Variants in GRIA1 observed in about 807,000 individuals in gnomAD.
GRIA1 encodes the protein glutamate ionotropic receptor AMPA type subunit 1, also known as glutamate receptor 1.
Under a neutral mutation model 99.2 loss-of-function variants are expected in GRIA1, and 31 were observed. That is an observed-to-expected ratio of 0.31 (90% confidence interval 0.23 to 0.42). The LOEUF is 0.42. Among genes scored for constraint, GRIA1 ranks in the 10% least tolerant of loss-of-function variants. GRIA1 has a pLI of 1.00. For synonymous variants in GRIA1, 438 were observed against 432.4 expected (o/e 1.01, Z -0.16); for missense variants, 782 against 1,157.5 (o/e 0.68, Z 4.71).
At chr5:153,587,479 T>G (rs1259112421) in intron 2 of GRIA1, among the ~76,000 whole-genome samples, 1 of 152,102 alleles carries the variant, frequency 6.6e-6, no homozygotes, top group African/African-American at 2.4e-5. Flanking sequence ...ACATAGTGAG[T>G]GGACAGAGTA....
At chr5:153,752,253 T>C in intron 11 of GRIA1, among the ~76,000 whole-genome samples, 1 of 152,100 alleles carries the variant, frequency 6.6e-6, no homozygotes, top group East Asian at 1.9e-4. Flanking sequence ...TATATCTATC[T>C]CCTGGCGTTC....
chr5:153,746,598 G>A (rs1289433008), intron 11 of GRIA1, among the ~76,000 whole-genome samples: 2 of 152,156 alleles, frequency 1.3e-5, no homozygotes, highest in African/African-American at 4.8e-5. Flanking sequence ...CAGAGACCCA[G>A]GCCCTTGGAG....
chr5:153,782,157 C>A (rs772879358), intron 13 of GRIA1, among the ~76,000 whole-genome samples: 1 of 152,124 alleles, frequency 6.6e-6, no homozygotes, highest in African/African-American at 2.4e-5. Flanking sequence ...TTATGTAATC[C>A]TCACAAGAAC....
At chr5:153,654,644 AC>A (rs1019682101) in intron 4 of GRIA1, among the ~76,000 whole-genome samples, 22 of 152,334 alleles carry the variant, frequency 1.4e-4, no homozygotes, top group African/African-American at 5.3e-4. Flanking sequence ...ACATAAAAAA[AC>A]ATGAGTCACT....
chr5:153,735,915 C>T (rs541584702), intron 11 of GRIA1, among the ~76,000 whole-genome samples: 1 of 152,214 alleles, frequency 6.6e-6, no homozygotes, highest in Non-Finnish European at 1.5e-5. Context: ...AATTCAATTT[C>T]CAACATGTTA....
At chr5:153,523,587 CT>C (rs1182577675) in intron 2 of GRIA1, among the ~76,000 whole-genome samples, 1 of 151,984 alleles carries the variant, frequency 6.6e-6, no homozygotes, top group Admixed American at 6.6e-5. Context: ...TCATATTGAT[CT>C]AAATTTCAGG....
Position 153,515,544 on chromosome 5 carries a change from T to C in GRIA1, c.220+21479T>C, listed in dbSNP as rs529722827. Among the ~76,000 whole-genome samples, 18 of 152,314 alleles carry C rather than the reference T, an allele frequency of 1.2e-4. No individual in the cohort carries two copies. The East Asian group carries it at 3.1e-3, about 26-fold the overall frequency. On this transcript the variant is annotated intron_variant, in intron 2 of 15. Transcript: ENST00000285900. ...AGAAGGAATAAGTTCTGGTGAGATA[T>C]TGCACAACAAAGTGACTGTAGTTAA... is the stretch of plus-strand genomic sequence containing the variant.
At chr5:153,729,247 G>C (rs549343612) in intron 11 of GRIA1, among the ~76,000 whole-genome samples, 6 of 151,614 alleles carry the variant, frequency 4.0e-5, no homozygotes, top group African/African-American at 7.3e-5. Flanking sequence ...GGTAGGGAGA[G>C]GGGGGAGCGA....
At chr5:153,614,261 G>A (rs757703449) in intron 2 of GRIA1, among the ~76,000 whole-genome samples, 9 of 152,170 alleles carry the variant, frequency 5.9e-5, no homozygotes, top group Non-Finnish European at 8.8e-5. Flanking sequence ...TAGAAGACAA[G>A]CCCTATAAGG....
rs139465139 is a variant in GRIA1, at chr5:153,536,169, C to G, written c.220+42104C>G. On this transcript the variant is annotated intron_variant, in intron 2 of 15. Coordinates refer to ENST00000285900, the MANE Select transcript of GRIA1 (RefSeq NM_000827.4). Reference sequence around the variant, plus strand: ...TATGCCACAAATTCTTGTCTGTGTTCTAAACAATAGCCAGATTTCCCTCAT... The same window carrying G: ...TATGCCACAAATTCTTGTCTGTGTTGTAAACAATAGCCAGATTTCCCTCAT... Among the ~76,000 whole-genome samples, 294 of 152,274 alleles carry G rather than the reference C, an allele frequency of 1.9e-3. 1 individual carries two copies. Among genetic ancestry groups the G allele is most frequent in the African/African-American group, 6.8e-3 (283 of 41,560 alleles).
chr5:153,803,547 G>T (rs1766197279), intron 15 of GRIA1, among the ~76,000 whole-genome samples: 1 of 152,178 alleles, frequency 6.6e-6, no homozygotes, highest in South Asian at 2.1e-4. Context: ...CAGGAATTTA[G>T]AGAAGAAAGA....
chr5:153,723,365 T>A (rs558058576), intron 11 of GRIA1, among the ~76,000 whole-genome samples: 14 of 152,128 alleles, frequency 9.2e-5, no homozygotes, highest in Non-Finnish European at 1.2e-4. Context: ...CAGGTTCATC[T>A]CACTAGGGAG....
At chr5:153,521,270 A>G (rs1323571292) in intron 2 of GRIA1, among the ~76,000 whole-genome samples, 1 of 152,250 alleles carries the variant, frequency 6.6e-6, no homozygotes, top group Admixed American at 6.5e-5. Context: ...GTGAACTTTC[A>G]GGAAGAAGAG....
intron 2 of GRIA1, among the ~76,000 whole-genome samples, chr5:153,546,906 C>T (rs563127257): frequency 6.6e-6 from 1 of 152,340 alleles, no homozygotes; most frequent in African/African-American, 2.4e-5. Flanking sequence ...AGAATGTAAT[C>T]TCCATGAAAG....
rs760614855 is a variant in GRIA1, at chr5:153,686,338, C to T, written c.1134+9C>T. The stretch of plus-strand genomic sequence containing the variant: ...ATGACGGCATCCGAAAGGTAAGGTC[C>T]CCCTTTACTTCTGTTCTGCAGAGAG... On this transcript the variant is annotated intron_variant, in intron 8 of 15. Coordinates refer to ENST00000285900, the MANE Select transcript of GRIA1 (RefSeq NM_000827.4). The T allele has an allele frequency of 2.1e-5, 34 of 1,600,080 alleles. No homozygotes were observed. The highest frequency in any genetic ancestry group is 2.7e-5 in the Non-Finnish European group (31 of 1,167,466).
chr5:153,640,599 G>T (rs190545933), intron 2 of GRIA1, among the ~76,000 whole-genome samples: 91 of 152,304 alleles, frequency 6.0e-4, no homozygotes, highest in African/African-American at 1.3e-3. Context: ...CCCGGCCTCT[G>T]CTAAAGGACC....
chr5:153,668,540 C>G (rs1353899852), intron 5 of GRIA1, among the ~76,000 whole-genome samples: 1 of 152,140 alleles, frequency 6.6e-6, no homozygotes, highest in Non-Finnish European at 1.5e-5. Flanking sequence ...TAGTAAATTA[C>G]TATTTTCTAT....
At chr5:153,646,807 A>G in intron 2 of GRIA1, 121 bp from the exon 3 acceptor site, 1 of 1,042,324 alleles carries the variant, frequency 9.6e-7, no homozygotes, top group Non-Finnish European at 1.4e-6. Flanking sequence ...GTAGATGGAT[A>G]GATGACAGTT....
chr5:153,674,242 T>C (rs753684666), intron 5 of GRIA1, among the ~76,000 whole-genome samples: 9 of 152,230 alleles, frequency 5.9e-5, no homozygotes, highest in Non-Finnish European at 1.3e-4. Context: ...TCAAGTAACT[T>C]AGTTAATAGT....
Sources: gnomAD v4.1 joint callset for allele counts (sites outside exome capture counted in the v4.1 genomes callset) on GRCh38, gnomAD v4.1.1 for gene constraint, MANE v1.5 for transcripts, NCBI Gene and HGNC (gene_info 2026-07-23, HGNC 2026-07-21) for gene names.